Variants in KANSL1L observed in about 807,000 individuals in gnomAD.
KANSL1L encodes the protein KAT8 regulatory NSL complex subunit 1 like, also known as KAT8 regulatory NSL complex subunit 1-like protein.
A neutral mutation model predicts 108.6 loss-of-function variants in KANSL1L; 25 were observed. That is an observed-to-expected ratio of 0.23 (90% confidence interval 0.17 to 0.32). The LOEUF (loss-of-function observed/expected upper bound fraction) is 0.32. KANSL1L is among the 10% of genes least tolerant of loss of function. KANSL1L has a pLI of 1.00. For synonymous variants in KANSL1L, 405 were observed against 395.1 expected, an observed-to-expected ratio of 1.03 and a Z score of -0.30; for missense variants, 1,137 against 1,125.7, an observed-to-expected ratio of 1.01 and a Z score of -0.14.
At chr2:210,058,694 G>A (rs187477467) in intron 6 of KANSL1L, among the ~76,000 whole-genome samples, 2,250 of 152,128 alleles carry the variant, frequency 0.015, 66 homozygotes, top group African/African-American at 0.052. Flanking sequence ...AAAATTAGCC[G>A]GGCGTGGTGG....
At chr2:210,035,968 A>G (rs533111052) in intron 8 of KANSL1L, among the ~76,000 whole-genome samples, 1 of 152,322 alleles carries the variant, frequency 6.6e-6, no homozygotes, top group African/African-American at 2.4e-5. Flanking sequence ...CATTCTAACA[A>G]TATCCCCGAA....
At chr2:210,116,067 G>A (rs2094951036) in intron 3 of KANSL1L, among the ~76,000 whole-genome samples, 1 of 152,218 alleles carries the variant, frequency 6.6e-6, no homozygotes, top group Admixed American at 6.5e-5. Context: ...TGTCCTGAAG[G>A]GAGAGACTCA....
At chr2:210,135,318 G>C (rs1454553028) in intron 2 of KANSL1L, among the ~76,000 whole-genome samples, 2 of 152,156 alleles carry the variant, frequency 1.3e-5, no homozygotes, top group African/African-American at 4.8e-5. Flanking sequence ...GAATGAGAAA[G>C]AGGTACATGG....
chr2:210,040,131 T>C (rs2094148348), intron 8 of KANSL1L, among the ~76,000 whole-genome samples: 1 of 151,910 alleles, frequency 6.6e-6, no homozygotes, highest in Admixed American at 6.6e-5. Flanking sequence ...AGGAAGAATT[T>C]ATATATTTAT....
At position 210,104,257 on chromosome 2, in the gene KANSL1L, C is replaced by T; in HGVS notation, c.1275G>A (p.Leu425=). 6.2e-7 allele frequency: 1 copy of T among 1,613,754 alleles called. No homozygotes were observed. The highest frequency in any genetic ancestry group is 8.5e-7 in the Non-Finnish European group (1 of 1,179,860). ...GGTCTGCAAATTGCATTTGTTTTTT[C>T]AAAATATCTTTTGGAAGCTGACATT... ...LEECQLPKDI[L]KKQMQFADQA... The change falls in exon 4 of 15, where the codon TTG becomes TTA. Residue 425 remains leucine, a synonymous_variant. Coordinates refer to ENST00000281772, the MANE Select transcript of KANSL1L (RefSeq NM_152519.4).
intron 10 of KANSL1L, 70 bp from the exon 11 acceptor site, chr2:210,029,039 G>A: frequency 7.7e-7 from 1 of 1,291,698 alleles, no homozygotes; most frequent in Non-Finnish European, 1.1e-6. Flanking sequence ...CCTTTCATCA[G>A]TTATGTAAAT....
At chr2:210,071,750 C>T (rs1051284713) in intron 6 of KANSL1L, among the ~76,000 whole-genome samples, 1 of 152,170 alleles carries the variant, frequency 6.6e-6, no homozygotes, top group Non-Finnish European at 1.5e-5. Flanking sequence ...ATAACAGTTA[C>T]ATTCCTAGGA....
intron 2 of KANSL1L, chr2:210,153,270 T>C: frequency 2.6e-6 from 1 of 387,654 alleles, no homozygotes; most frequent in Non-Finnish European, 4.6e-6. Flanking sequence ...AGGAAAATTG[T>C]TTGAACCCGG....
intron 6 of KANSL1L, among the ~76,000 whole-genome samples, chr2:210,048,711 C>G (rs994639589): frequency 6.6e-6 from 1 of 151,456 alleles, no homozygotes; most frequent in Non-Finnish European, 1.5e-5. Context: ...ATCATGTGGC[C>G]TTAGTGTTGT....
chr2:210,125,453 C>T (rs1559579945), intron 3 of KANSL1L, among the ~76,000 whole-genome samples: 1 of 152,272 alleles, frequency 6.6e-6, no homozygotes, highest in East Asian at 1.9e-4. Context: ...AGGAACACTT[C>T]TTAATTCATT....
At chr2:210,168,552 T>A (rs1055663511) in intron 1 of KANSL1L, among the ~76,000 whole-genome samples, 49 of 152,078 alleles carry the variant, frequency 3.2e-4, no homozygotes, top group Non-Finnish European at 7.4e-5. Context: ...CATTGATCAG[T>A]GAAACCTTTA....
At chr2:210,023,675 C>G (rs2093892966) in intron 14 of KANSL1L, among the ~76,000 whole-genome samples, 1 of 152,140 alleles carries the variant, frequency 6.6e-6, no homozygotes. Flanking sequence ...AAAGTAGGAA[C>G]TGGGTCTGTG....
At position 210,028,953 on chromosome 2, in the gene KANSL1L, C is replaced by T. The variant is rs989503746; in HGVS notation, c.2288G>A (p.Arg763Lys). Reference protein sequence around the residue: ...QNSSRNTARRRLRSESSYDID... With the variant: ...QNSSRNTARRKLRSESSYDID... ...GTCATAAGAGCTCTCACTTCTCAAT[C>T]TCCGTCGTGCAGTATTCTGCAAAAC... Residue 763 changes from arginine to lysine, a missense_variant, in exon 11 of 15, where the codon AGA (arginine) becomes AAA (lysine). Physicochemically the swap from Arg to Lys is conservative, Grantham distance 26. Around this residue, in one of 3 missense-constraint regions of KANSL1L, gnomAD observed 575 missense variants for 567.1 expected, o/e 1.01. Coordinates refer to ENST00000281772, the MANE Select transcript of KANSL1L (RefSeq NM_152519.4). The T allele has an allele frequency of 4.3e-6, 7 of 1,611,044 alleles. No individual in the cohort carries two copies. Among genetic ancestry groups the T allele is most frequent in the Non-Finnish European group, 5.1e-6 (6 of 1,178,190 alleles).
intron 5 of KANSL1L, among the ~76,000 whole-genome samples, chr2:210,085,600 A>T (rs1236160008): frequency 3.9e-5 from 6 of 152,116 alleles, no homozygotes. Flanking sequence ...CTTGAATAAA[A>T]GCTGAAATAT....
chr2:210,093,653 T>G (rs2094711429), intron 5 of KANSL1L, among the ~76,000 whole-genome samples: 1 of 152,214 alleles, frequency 6.6e-6, no homozygotes, highest in African/African-American at 2.4e-5. Context: ...TGGCAATTAA[T>G]ATTTGCTAAT....
chr2:210,171,975 C>G (rs1447123254), upstream of KANSL1L: 1 of 139,448 alleles, frequency 7.2e-6, no homozygotes, highest in Admixed American at 7.6e-5. Flanking sequence ...GCCTTGGATC[C>G]AACTGGGTGG....
chr2:210,147,881 T>C (rs1051006768), intron 2 of KANSL1L, among the ~76,000 whole-genome samples: 2 of 152,212 alleles, frequency 1.3e-5, no homozygotes, highest in Admixed American at 6.5e-5. Flanking sequence ...TCTTTTCCTT[T>C]CCATTGGCAA....
chr2:210,138,310 T>A (rs1460915063), intron 2 of KANSL1L, among the ~76,000 whole-genome samples: 1 of 151,832 alleles, frequency 6.6e-6, no homozygotes, highest in Non-Finnish European at 1.5e-5. Context: ...CACTGGGGAC[T>A]AATGGAGGGG....
intron 5 of KANSL1L, among the ~76,000 whole-genome samples, chr2:210,085,677 T>C (rs1274411900): frequency 1.3e-5 from 2 of 152,010 alleles, no homozygotes; most frequent in Non-Finnish European, 2.9e-5. Flanking sequence ...CTTTTTTCTA[T>C]AAAATCATAC....
Sources: allele counts gnomAD v4.1 joint callset (sites outside exome capture counted in the v4.1 genomes callset), GRCh38; gene constraint gnomAD v4.1.1; regional missense constraint gnomAD v4.1.1; transcripts MANE v1.5; gene names NCBI Gene and HGNC (gene_info 2026-07-23, HGNC 2026-07-21).